Variants in HPSE observed in about 807,000 individuals in gnomAD.
HPSE encodes heparanase.
In HPSE, 48 loss-of-function variants were observed where a neutral mutation model predicts 65.1. That is an observed-to-expected ratio of 0.74 (90% CI 0.58 to 0.94). The LOEUF (loss-of-function observed/expected upper bound fraction) is 0.94. Among genes scored for constraint, HPSE ranks in the 40% least tolerant of loss-of-function variants. The probability of loss-of-function intolerance (pLI) is 0.00; values close to 1 mark genes in which losing one functional copy is unlikely to be tolerated. For synonymous variants in HPSE, 243 were observed against 260.0 expected (o/e 0.93, Z 0.63); for missense variants, 644 against 637.5 (o/e 1.01, Z -0.11).
chr4:83,312,116 A>G (rs1440322418), intron 4 of HPSE, among the ~76,000 whole-genome samples: 3 of 152,178 alleles, frequency 2.0e-5, no homozygotes, highest in Non-Finnish European at 4.4e-5. Context: ...AGGGATGAAT[A>G]AAACAAACTG....
intron 1 of HPSE, among the ~76,000 whole-genome samples, chr4:83,331,918 G>T (rs1485070942): frequency 6.6e-6 from 1 of 152,084 alleles, no homozygotes; most frequent in East Asian, 1.9e-4. Flanking sequence ...TCAGAGTCTA[G>T]TTTCAAACTG....
chr4:83,298,741 T>C (rs1241700326), intron 11 of HPSE, among the ~76,000 whole-genome samples: 1 of 151,996 alleles, frequency 6.6e-6, no homozygotes, highest in Non-Finnish European at 1.5e-5. Flanking sequence ...GGAGGAAGGA[T>C]CACTTGAGCC....
intron 10 of HPSE, among the ~76,000 whole-genome samples, chr4:83,301,353 G>C (rs962793146): frequency 6.6e-6 from 1 of 152,074 alleles, no homozygotes; most frequent in African/African-American, 2.4e-5. Flanking sequence ...CAATGTCTGG[G>C]CTAGAGCACA....
intron 8 of HPSE, among the ~76,000 whole-genome samples, chr4:83,307,066 C>G (rs2126186289): frequency 6.6e-6 from 1 of 152,270 alleles, no homozygotes; most frequent in Non-Finnish European, 1.5e-5. Flanking sequence ...TCCAACCTGA[C>G]CAACCAGCAC....
At chr4:83,306,860 C>T (rs528736905) in intron 8 of HPSE, among the ~76,000 whole-genome samples, 9 of 152,276 alleles carry the variant, frequency 5.9e-5, no homozygotes, top group African/African-American at 2.2e-4. Flanking sequence ...AGAGTCTGAA[C>T]CTCCCCAAAT....
At chr4:83,330,294 G>A (rs1266059116) in intron 1 of HPSE, among the ~76,000 whole-genome samples, 1 of 152,250 alleles carries the variant, frequency 6.6e-6, no homozygotes, top group African/African-American at 2.4e-5. Flanking sequence ...CTTGGACAAG[G>A]AGGTAGAGGA....
intron 1 of HPSE, among the ~76,000 whole-genome samples, chr4:83,322,792 TGTGTGTGTGTGTGTGTGTGTGTG>T (rs1736969867): frequency 2.6e-5 from 3 of 114,936 alleles, no homozygotes; most frequent in South Asian, 5.8e-4. Context: ...AGCTTGTTTG[TGTGTGTGTGTGTGTGTGTGTGTG>T]TGTGTGTGTG....
chr4:83,299,104 G>A (rs1345871321), intron 11 of HPSE, among the ~76,000 whole-genome samples: 1 of 151,702 alleles, frequency 6.6e-6, no homozygotes, highest in Non-Finnish European at 1.5e-5. Flanking sequence ...TGGCTCACTC[G>A]TGTAATCCTA....
chr4:83,316,596 G>A (rs1198184186), intron 3 of HPSE, among the ~76,000 whole-genome samples: 2 of 152,116 alleles, frequency 1.3e-5, no homozygotes, highest in South Asian at 2.1e-4. Flanking sequence ...TGTAGGCAAC[G>A]GAAGAATGGG....
chr4:83,304,610 G>A (rs750428397), intron 9 of HPSE, among the ~76,000 whole-genome samples: 2 of 152,110 alleles, frequency 1.3e-5, no homozygotes, highest in Admixed American at 6.6e-5. Flanking sequence ...ATGATCACTT[G>A]AGCCCAGGAG....
chr4:83,334,833 C>G lies in HPSE; in HGVS notation c.-51G>C. ...CGCCAGCTGCCGCGCAGCGGAGAGT[C>G]GAGAGCTCTAGCACTTCCTCCCGCC... On this transcript the variant is annotated 5_prime_UTR_variant, in exon 1 of 12. Coordinates refer to ENST00000311412, the MANE Select transcript of HPSE (RefSeq NM_001098540.3). 6.8e-7 allele frequency: 1 copy of G among 1,468,382 alleles called. No homozygotes were observed. Among genetic ancestry groups the G allele is most frequent in the Non-Finnish European group, 9.0e-7 (1 of 1,112,966 alleles). The allele number at this position is 1,468,382 out of a possible 1,614,324, so 91.0% of individuals were successfully genotyped here.
intron 11 of HPSE, among the ~76,000 whole-genome samples, chr4:83,296,270 G>A (rs937439667): frequency 1.3e-4 from 20 of 152,124 alleles, no homozygotes; most frequent in East Asian, 1.9e-4. Context: ...AGCTTTAGTC[G>A]GCTGTAGGTC....
At position 83,292,863 on chromosome 4, in the gene HPSE, A is replaced by G. The variant is rs1225950560; in HGVS notation, c.*2481T>C. The G allele has an allele frequency of 6.6e-6, 1 of 152,236 alleles. No homozygotes were observed. Among genetic ancestry groups the G allele is most frequent in the Non-Finnish European group, 1.5e-5 (1 of 68,046 alleles). 9.4% of individuals were successfully genotyped at this position (152,236 alleles called of 1,614,324 possible). A position where few individuals can be genotyped will look rare whatever the true frequency, so the allele number is the denominator to read the frequency against. On this transcript the variant is annotated 3_prime_UTR_variant, in exon 12 of 12. Coordinates refer to ENST00000311412, the MANE Select transcript of HPSE (RefSeq NM_001098540.3). ...AGGGATGTTGGAGACTCAGAAGGGA[A>G]GAGGGCGGAAGGAGGGTAATGGATG...
chr4:83,331,478 C>G (rs1232900073), intron 1 of HPSE, among the ~76,000 whole-genome samples: 3 of 152,046 alleles, frequency 2.0e-5, no homozygotes, highest in African/African-American at 7.2e-5. Flanking sequence ...TATTATATTT[C>G]CATTGGACAG....
intron 4 of HPSE, among the ~76,000 whole-genome samples, 171 bp downstream of exon 4, chr4:83,312,943 A>T (rs1340580985): frequency 1.7e-4 from 1 of 5,810 alleles, no homozygotes; most frequent in East Asian, 0.014. Flanking sequence ...AATGGCGTGA[A>T]TTTGGGAGGC....
intron 10 of HPSE, among the ~76,000 whole-genome samples, chr4:83,301,513 A>G (rs1397920562): frequency 2.0e-5 from 3 of 152,184 alleles, no homozygotes; most frequent in Non-Finnish European, 4.4e-5. Context: ...TAGCCTTATA[A>G]AAAGACTGAA....
chr4:83,301,177 G>A (rs930551143), intron 10 of HPSE, 71 bp from the exon 11 acceptor site: 10 of 954,186 alleles, frequency 1.0e-5, no homozygotes, highest in South Asian at 1.7e-5. Context: ...AATTACAAAT[G>A]TGATCCTAAG....
chr4:83,296,255 A>G (rs1735718564), intron 11 of HPSE, among the ~76,000 whole-genome samples: 1 of 152,236 alleles, frequency 6.6e-6, no homozygotes, highest in Non-Finnish European at 1.5e-5. Context: ...GAGCTTATGA[A>G]GAAAAGCTTT....
chr4:83,304,576 C>T (rs907212580), intron 9 of HPSE, among the ~76,000 whole-genome samples: 8 of 152,082 alleles, frequency 5.3e-5, no homozygotes, highest in Non-Finnish European at 1.0e-4. Context: ...TGCTGTAATC[C>T]CAACACTGGG....
Sources: gnomAD v4.1 joint callset for allele counts (sites outside exome capture counted in the v4.1 genomes callset) on GRCh38, gnomAD v4.1.1 for gene constraint, MANE v1.5 for transcripts, NCBI Gene and HGNC (gene_info 2026-07-23, HGNC 2026-07-21) for gene names.